INTS4: variants seen among roughly 807,000 people sequenced by gnomAD.
INTS4 encodes the protein MSTP093.
In INTS4, 70 loss-of-function variants were observed where a neutral mutation model predicts 119.5. The ratio of observed to expected loss-of-function variants is 0.59; its 90% CI spans 0.48 to 0.71. The LOEUF (loss-of-function observed/expected upper bound fraction) is 0.71, where lower values mean the gene tolerates loss of function less well. INTS4 is among the 30% of genes least tolerant of loss of function. The pLI, the probability that INTS4 is intolerant of heterozygous loss-of-function variation, is 0.00. For synonymous variants in INTS4, 316 were observed against 419.6 expected, an observed-to-expected ratio of 0.75 and a Z score of 3.02; for missense variants, 867 against 1,173.2, an observed-to-expected ratio of 0.74 and a Z score of 3.81.
intron 5 of INTS4, 89 bp from the exon 6 acceptor site, chr11:77,960,480 T>A: frequency 2.0e-6 from 2 of 1,015,756 alleles, no homozygotes; most frequent in South Asian, 2.9e-5. Flanking sequence ...TTTCCCCTAT[T>A]GTATCAGGCT....
At chr11:77,886,722 C>T (rs375312710) in intron 21 of INTS4, among the ~76,000 whole-genome samples, 13 of 151,828 alleles carry the variant, frequency 8.6e-5, no homozygotes, top group Admixed American at 5.9e-4. Flanking sequence ...TGAAGAGACA[C>T]GAGAGGTGTA....
chr11:77,936,986 A>G (rs619142), intron 10 of INTS4, among the ~76,000 whole-genome samples: 89,694 of 151,802 alleles, frequency 0.59, 26,785 homozygotes, highest in African/African-American at 0.65. Flanking sequence ...ACCAGCCTCG[A>G]CAACATGGCA....
intron 4 of INTS4, among the ~76,000 whole-genome samples, chr11:77,974,529 C>T (rs901331404): frequency 2.7e-5 from 4 of 150,640 alleles, no homozygotes; most frequent in Non-Finnish European, 5.9e-5. Flanking sequence ...GTGTGAGCCA[C>T]TGCACCCAGC....
intron 22 of INTS4, among the ~76,000 whole-genome samples, chr11:77,881,490 G>C (rs780472120): frequency 6.6e-6 from 1 of 152,218 alleles, no homozygotes; most frequent in Non-Finnish European, 1.5e-5. Context: ...CACAGTGAGG[G>C]CTGGGAAGGG....
Position 77,991,055 on chromosome 11 carries a change from ACATGATACAACTCC to A in INTS4, c.246+39_246+52del, listed in dbSNP as rs1451100229. The A allele has an allele frequency of 6.8e-6, 10 of 1,470,044 alleles. No homozygotes were observed. The East Asian group carries it at 2.3e-4, about 33-fold the overall frequency. 91.1% of individuals were successfully genotyped at this position (1,470,044 alleles called of 1,614,324 possible). A position where few individuals can be genotyped will look rare whatever the true frequency, so the allele number is the denominator to read the frequency against. ...ATTTGTAATATTAACCATTCTGCAGACATGATACAACTCCCATGATATACTCCCATCAGATCCTC... is the reference window on the plus strand; with the variant it reads ...ATTTGTAATATTAACCATTCTGCAGACATGATATACTCCCATCAGATCCTC... On this transcript the variant is annotated intron_variant, in intron 2 of 22. Transcript: ENST00000534064.
chr11:77,894,907 G>C (rs1952444651), intron 18 of INTS4, among the ~76,000 whole-genome samples: 1 of 152,162 alleles, frequency 6.6e-6, no homozygotes, highest in Non-Finnish European at 1.5e-5. Context: ...TGGTCTACAT[G>C]CAATTTACTC....
chr11:77,946,025 G>A (rs1352520497), intron 8 of INTS4, among the ~76,000 whole-genome samples: 2 of 152,230 alleles, frequency 1.3e-5, no homozygotes, highest in Non-Finnish European at 2.9e-5. Context: ...GCAAAGGCCT[G>A]AGCCCAGCAC....
chr11:77,929,489 T>C (rs1400036925), intron 10 of INTS4, among the ~76,000 whole-genome samples: 1 of 152,252 alleles, frequency 6.6e-6, no homozygotes, highest in African/African-American at 2.4e-5. Flanking sequence ...CTGACCACAG[T>C]ACTTTTTAAA....
chr11:77,962,202 G>C (rs1368839346), intron 4 of INTS4, among the ~76,000 whole-genome samples: 1 of 152,208 alleles, frequency 6.6e-6, no homozygotes, highest in Non-Finnish European at 1.5e-5. Context: ...AGGATCCTTT[G>C]AGCCTCGGAG....
intron 11 of INTS4, among the ~76,000 whole-genome samples, chr11:77,925,570 G>C (rs1325815721): frequency 6.6e-6 from 1 of 152,210 alleles, no homozygotes; most frequent in African/African-American, 2.4e-5. Context: ...CAATCTATCT[G>C]AAGTGAATTT....
At chr11:77,897,174 G>C (rs1591025512) in intron 18 of INTS4, among the ~76,000 whole-genome samples, 2 of 151,880 alleles carry the variant, frequency 1.3e-5, no homozygotes, top group African/African-American at 4.8e-5. Context: ...AAAGGCGACA[G>C]AGAACAGTGG....
intron 15 of INTS4, among the ~76,000 whole-genome samples, chr11:77,912,362 C>CA (rs759233921): frequency 0.035 from 3,307 of 93,192 alleles, 103 homozygotes; most frequent in African/African-American, 0.1. Flanking sequence ...ACTCCATCTC[C>CA]AAAAAAAAAA....
chr11:77,973,475 C>A (rs1202141620), intron 4 of INTS4, among the ~76,000 whole-genome samples: 1 of 151,958 alleles, frequency 6.6e-6, no homozygotes, highest in African/African-American at 2.4e-5. Flanking sequence ...AATATAATGA[C>A]CTATTTGTTT....
Position 77,903,610 on chromosome 11 carries a change from T to C in INTS4, c.2027A>G (p.Glu676Gly), listed in dbSNP as rs1353399223. Residue 676 changes from glutamate to glycine, a missense_variant, in exon 17 of 23, where the codon GAA becomes GGA. Glu to Gly is a moderately conservative substitution (Grantham distance 98, BLOSUM62 -2). Transcript: ENST00000534064. Reference sequence around the variant, plus strand: ...AGGGGCAGCTACATTCCACAACTTTTCCTGCAAGGCCTACGCAGACAAATC... The same window carrying C: ...AGGGGCAGCTACATTCCACAACTTTCCCTGCAAGGCCTACGCAGACAAATC... ...CQLLLIKALQ[E>G]KLWNVAAPLY... 2 of 1,613,532 alleles carry C rather than the reference T, an allele frequency of 1.2e-6. No individual in the cohort carries two copies. The highest frequency in any genetic ancestry group is 1.7e-5 in the Admixed American group (1 of 59,948).
chr11:77,958,285 T>G (rs931885409), intron 7 of INTS4, among the ~76,000 whole-genome samples: 2 of 151,828 alleles, frequency 1.3e-5, no homozygotes, highest in Non-Finnish European at 2.9e-5. Flanking sequence ...ATAAATAATA[T>G]TGCCTACCTC....
intron 15 of INTS4, chr11:77,911,010 C>T: frequency 2.3e-6 from 3 of 1,289,070 alleles, no homozygotes; most frequent in Non-Finnish European, 3.0e-6. Context: ...TGTTTCAGGG[C>T]CGGCATAACA....
chr11:77,960,235 A>AG, intron 6 of INTS4, 106 bp downstream of exon 6: 2 of 724,720 alleles, frequency 2.8e-6, no homozygotes, highest in Non-Finnish European at 4.9e-6. Flanking sequence ...CGCTGCCACT[A>AG]TTAACTAGCG....
At chr11:77,887,305 G>T (rs538633366) in intron 21 of INTS4, among the ~76,000 whole-genome samples, 2 of 152,262 alleles carry the variant, frequency 1.3e-5, no homozygotes, top group East Asian at 3.9e-4. Context: ...CATATAAACA[G>T]AACCAAAGAC....
chr11:77,914,573 A>G (rs757401609), intron 15 of INTS4, among the ~76,000 whole-genome samples: 4 of 152,236 alleles, frequency 2.6e-5, no homozygotes, highest in Non-Finnish European at 4.4e-5. Context: ...CAGAGCTTAC[A>G]GCAGGGTCAG....
Sources: allele counts gnomAD v4.1 joint callset (sites outside exome capture counted in the v4.1 genomes callset), GRCh38; gene constraint gnomAD v4.1.1; transcripts MANE v1.5; gene names NCBI Gene and HGNC (gene_info 2026-07-23, HGNC 2026-07-21).